COL6A5: variants seen among roughly 807,000 people sequenced by gnomAD.
COL6A5 encodes collagen alpha-5(VI) chain.
Under a neutral mutation model 65.6 loss-of-function variants are expected in COL6A5, and 48 were observed. The observed-to-expected ratio is 0.73, with a 90% confidence interval of 0.58 to 0.93. The LOEUF is 0.93. COL6A5 is among the 40% of genes least tolerant of loss of function. The pLI is 0.00. For synonymous variants in COL6A5, 291 were observed against 322.8 expected, an observed-to-expected ratio of 0.90 and a Z score of 1.05; for missense variants, 914 against 928.3, an observed-to-expected ratio of 0.98 and a Z score of 0.20.
intron 18 of COL6A5, 60 bp downstream of exon 18, chr3:130,409,448 C>A: frequency 7.1e-7 from 1 of 1,402,750 alleles, no homozygotes; most frequent in Non-Finnish European, 9.7e-7. Flanking sequence ...TTCCTATCTC[C>A]TTTCCCTTTG....
chr3:130,442,333 C>G (rs1474939850), intron 3 of COL6A5, among the ~76,000 whole-genome samples: 1 of 152,108 alleles, frequency 6.6e-6, no homozygotes, highest in Non-Finnish European at 1.5e-5. Flanking sequence ...GAATTTGACT[C>G]TTGTGAGCTA....
At chr3:130,393,196 C>G (rs1936465492) in intron 7 of COL6A5, among the ~76,000 whole-genome samples, 1 of 151,876 alleles carries the variant, frequency 6.6e-6, no homozygotes, top group Non-Finnish European at 1.5e-5. Context: ...CATTGATCAC[C>G]TCTCCCCTCT....
intron 1 of COL6A5, among the ~76,000 whole-genome samples, chr3:130,357,541 T>G (rs1441929313): frequency 1.3e-5 from 2 of 152,126 alleles, no homozygotes; most frequent in Non-Finnish European, 1.5e-5. Flanking sequence ...TGAACAATAA[T>G]GCAAAATTCC....
At chr3:130,424,975 G>A (rs1274231887) in intron 29 of COL6A5, among the ~76,000 whole-genome samples, 1 of 152,012 alleles carries the variant, frequency 6.6e-6, no homozygotes, top group Non-Finnish European at 1.5e-5. Context: ...CTTGTTCAAA[G>A]TTATTTAAGG....
At chr3:130,470,999 C>T (rs769617047) in intron 7 of COL6A5, 32 bp downstream of exon 39, 4 of 1,447,170 alleles carry the variant, frequency 2.8e-6, no homozygotes, top group African/African-American at 2.8e-5. Flanking sequence ...TTGGGTAATA[C>T]CACAACTGGA....
intron 24 of COL6A5, among the ~76,000 whole-genome samples, chr3:130,418,003 C>T (rs1937401418): frequency 6.6e-6 from 1 of 151,986 alleles, no homozygotes; most frequent in South Asian, 2.1e-4. Context: ...GTATTGTATA[C>T]TCGAAATTTT....
At chr3:130,471,786 G>A (rs322117) in intron 7 of COL6A5, 1,280,533 of 1,534,418 alleles carry the variant, frequency 0.83, 536,990 homozygotes, top group East Asian at 0.86. Context: ...AATCATAGTA[G>A]TGGTTCTGAG....
intron 1 of COL6A5, among the ~76,000 whole-genome samples, chr3:130,432,728 G>A (rs1162217110): frequency 2.0e-5 from 3 of 152,102 alleles, no homozygotes; most frequent in Non-Finnish European, 2.9e-5. Flanking sequence ...TCTGCTTGCT[G>A]TTGCTCACAG....
At chr3:130,401,008 A>G in intron 10 of COL6A5, 23 bp from the exon 11 acceptor site, 1 of 1,516,220 alleles carries the variant, frequency 6.6e-7, no homozygotes, top group Non-Finnish European at 8.8e-7. Flanking sequence ...TGCTTTATTT[A>G]TATTGTGGTT....
chr3:130,441,593 C>T (rs4688764), intron 3 of COL6A5, among the ~76,000 whole-genome samples: 125,896 of 152,190 alleles, frequency 0.83, 53,807 homozygotes, highest in Non-Finnish European at 0.93. Context: ...AAGAATACCT[C>T]GTCCTCTATC....
intron 1 of COL6A5, among the ~76,000 whole-genome samples, chr3:130,369,935 T>A (rs1276813082): frequency 1.3e-5 from 2 of 152,192 alleles, no homozygotes; most frequent in Non-Finnish European, 2.9e-5. Context: ...GAATTCCCAG[T>A]CAGCCTCTGA....
At chr3:130,463,521 T>G (rs1465702780) in intron 5 of COL6A5, among the ~76,000 whole-genome samples, 1 of 152,056 alleles carries the variant, frequency 6.6e-6, no homozygotes, top group Non-Finnish European at 1.5e-5. Context: ...TGTTGTGGCT[T>G]AAGTCATTGG....
chr3:130,432,067 C>A, intron 1 of COL6A5, 118 bp downstream of exon 33: 1 of 984,514 alleles, frequency 1.0e-6, no homozygotes, highest in Non-Finnish European at 1.5e-6. Context: ...AACTCCTTTA[C>A]AGTTTTCACA....
intron 5 of COL6A5, among the ~76,000 whole-genome samples, chr3:130,462,416 T>C (rs1043685935): frequency 2.6e-5 from 4 of 152,164 alleles, no homozygotes; most frequent in Non-Finnish European, 4.4e-5. Context: ...TTTGCTTTTT[T>C]CGTGGAAGTC....
chr3:130,346,821 T>C (rs959879972), intron 1 of COL6A5, among the ~76,000 whole-genome samples: 6 of 152,234 alleles, frequency 3.9e-5, no homozygotes, highest in Non-Finnish European at 7.3e-5. Context: ...TTAGGTATCT[T>C]GGAAGATATA....
intron 4 of COL6A5, among the ~76,000 whole-genome samples, chr3:130,453,260 G>C (rs1436838270): frequency 6.6e-6 from 1 of 152,098 alleles, no homozygotes; most frequent in Non-Finnish European, 1.5e-5. Context: ...TTTATGTTTA[G>C]AGATTGCAGT....
exon 18 of COL6A5, chr3:130,409,357 A>AGTATGGAG (rs1416428618): frequency 1.3e-5 from 20 of 1,548,166 alleles, no homozygotes; most frequent in Non-Finnish European, 6.1e-6. Context: ...GCCCCTGGGC[A>AGTATGGAG]GTATGGAGAG....
intron 4 of COL6A5, among the ~76,000 whole-genome samples, chr3:130,450,034 T>C (rs1403016392): frequency 6.8e-6 from 1 of 146,436 alleles, no homozygotes; most frequent in Non-Finnish European, 1.5e-5. Flanking sequence ...CCACCCCGCC[T>C]CCTACTGTGG....
At chr3:130,425,351 T>C (rs539867589) in intron 29 of COL6A5, among the ~76,000 whole-genome samples, 1 of 152,264 alleles carries the variant, frequency 6.6e-6, no homozygotes, top group Admixed American at 6.5e-5. Flanking sequence ...GAGGTTCTTA[T>C]GCCGACATCC....
Sources: gnomAD v4.1 joint callset for allele counts (sites outside exome capture counted in the v4.1 genomes callset) on GRCh38, gnomAD v4.1.1 for gene constraint, MANE v1.5 for transcripts, NCBI Gene and HGNC (gene_info 2026-07-23, HGNC 2026-07-21) for gene names.